ZFP1: variants seen among roughly 807,000 people sequenced by gnomAD.
The protein encoded by ZFP1 is ZFP1 zinc finger protein.
Under a neutral mutation model 38.5 loss-of-function variants are expected in ZFP1, and 32 were observed. That is an observed-to-expected ratio of 0.83 (90% confidence interval 0.63 to 1.12). The LOEUF is 1.12. ZFP1 is among the 50% of genes most tolerant of loss of function. The probability of loss-of-function intolerance (pLI) is 0.00; values close to 1 mark genes in which losing one functional copy is unlikely to be tolerated. For synonymous variants in ZFP1, 245 were observed against 168.8 expected (o/e 1.45, Z -3.50); for missense variants, 616 against 480.8 (o/e 1.28, Z -2.63).
At chr16:75,140,125 G>T in the ZFP1 span, among the ~76,000 whole-genome samples, 15 of 152,126 alleles carry the variant, frequency 9.9e-5, 1 homozygote, top group South Asian at 1.0e-3. Flanking sequence ...AAAACTAGCC[G>T]GGCGTGGTGG....
intron 2 of ZFP1, among the ~76,000 whole-genome samples, chr16:75,164,904 C>G (rs2037980942): frequency 6.6e-6 from 1 of 151,874 alleles, no homozygotes; most frequent in Non-Finnish European, 1.5e-5. Context: ...TTCCTGGGTT[C>G]AAGCGATTCT....
At chr16:75,136,900 C>T in the ZFP1 span, among the ~76,000 whole-genome samples, 2 of 151,878 alleles carry the variant, frequency 1.3e-5, no homozygotes, top group Non-Finnish European at 2.9e-5. Context: ...AAAAAAAGGA[C>T]CCTGTTTGTA....
the ZFP1 span, among the ~76,000 whole-genome samples, chr16:75,135,291 A>C: frequency 8.6e-4 from 88 of 102,730 alleles, no homozygotes; most frequent in African/African-American, 3.4e-3. Flanking sequence ...GTTAATCAGC[A>C]ATTCTAAAAA....
chr16:75,127,563 C>T, the ZFP1 span, among the ~76,000 whole-genome samples: 12 of 152,222 alleles, frequency 7.9e-5, 1 homozygote, highest in South Asian at 4.1e-4. Context: ...TCAAGAGATC[C>T]GCTGGCCTCA....
chr16:75,170,503 A>T lies in ZFP1; in HGVS notation c.*169A>T. 1 of 983,548 alleles carries T rather than the reference A, an allele frequency of 1.0e-6. No homozygotes were observed. Among genetic ancestry groups the T allele is most frequent in the Non-Finnish European group, 1.4e-6 (1 of 722,744 alleles). The allele number at this position is 983,548 out of a possible 1,614,324, so 60.9% of individuals were successfully genotyped here. On this transcript the variant is annotated 3_prime_UTR_variant, in exon 4 of 4. Coordinates refer to ENST00000570010, the MANE Select transcript of ZFP1 (RefSeq NM_153688.4). ...ATGAGAACATTATACTGGAAGTTAC[A>T]TGTGATACCCAGCTAAAGAATACAT...
At chr16:75,150,073 C>T (rs2145491553) in intron 1 of ZFP1, among the ~76,000 whole-genome samples, 1 of 152,122 alleles carries the variant, frequency 6.6e-6, no homozygotes, top group East Asian at 1.9e-4. Context: ...GCATGAACCA[C>T]TGCACCCAGC....
At chr16:75,157,068 C>G (rs540778432) in intron 2 of ZFP1, 1 of 152,110 alleles carries the variant, frequency 6.6e-6, no homozygotes, top group Non-Finnish European at 1.5e-5. Flanking sequence ...TTCACCATCT[C>G]CCACCGCTGT....
the ZFP1 span, among the ~76,000 whole-genome samples, chr16:75,122,895 G>A: frequency 7.9e-5 from 12 of 152,178 alleles, no homozygotes; most frequent in East Asian, 2.3e-3. Context: ...ATTTTGCAAT[G>A]GCAGTTCCAT....
At chr16:75,135,846 A>T in the ZFP1 span, among the ~76,000 whole-genome samples, 1 of 152,164 alleles carries the variant, frequency 6.6e-6, no homozygotes, top group Non-Finnish European at 1.5e-5. Flanking sequence ...ACGGAGTCTC[A>T]CTTTGTCACC....
chr16:75,147,182 T>G (rs1457840076), upstream of ZFP1, among the ~76,000 whole-genome samples: 2 of 152,168 alleles, frequency 1.3e-5, no homozygotes, highest in Non-Finnish European at 2.9e-5. Context: ...GAAACTATTC[T>G]GTACGATACT....
Position 75,170,249 on chromosome 16 carries a change from A to T in ZFP1, c.1139A>T (p.Tyr380Phe), listed in dbSNP as rs1457341176. ...HLRIHTGEKP[Y>F]ECSECGKAFS... ...CGAATCCACACAGGAGAGAAACCAT[A>T]TGAGTGTTCCGAATGTGGGAAGGCC... is the stretch of plus-strand genomic sequence containing the variant. Residue 380 changes from tyrosine to phenylalanine, a missense_variant, in exon 4 of 4, where the codon TAT becomes TTT. Tyr to Phe is a conservative substitution (Grantham distance 22). Transcript: ENST00000570010. 1 of 1,613,984 alleles carries T rather than the reference A, an allele frequency of 6.2e-7. No individual in the cohort carries two copies. The highest frequency in any genetic ancestry group is 1.3e-5 in the African/African-American group (1 of 74,930).
intron 2 of ZFP1, among the ~76,000 whole-genome samples, chr16:75,162,759 G>A (rs964397103): frequency 6.6e-6 from 1 of 152,068 alleles, no homozygotes; most frequent in Non-Finnish European, 1.5e-5. Context: ...GAGGATATGC[G>A]CTATTTGGAT....
the ZFP1 span, among the ~76,000 whole-genome samples, chr16:75,134,353 C>T: frequency 1.3e-5 from 2 of 152,088 alleles, no homozygotes; most frequent in Non-Finnish European, 1.5e-5. Flanking sequence ...AATTTGGCTT[C>T]TTTGTAATAT....
At chr16:75,147,568 T>G (rs2036968635), upstream of ZFP1, among the ~76,000 whole-genome samples, 1 of 151,966 alleles carries the variant, frequency 6.6e-6, no homozygotes, top group African/African-American at 2.4e-5. Flanking sequence ...ATTACAGGTG[T>G]GAGCCACTGA....
rs1260622140 is a variant in ZFP1 at position 75,169,908 on chromosome 16, G to A, written c.798G>A (p.Lys266=). ...IVHQRAHMEK[K]PYECSECGKT... is the part of the protein sequence containing the mutation. ...ACCAGAGAGCACATATGGAGAAGAA[G>A]CCCTATGAGTGCAGTGAATGTGGAA... The change falls in exon 4 of 4, where the codon AAG becomes AAA. Residue 266 remains lysine, a synonymous_variant. Transcript: ENST00000570010. 3 of 1,614,188 alleles carry A rather than the reference G, an allele frequency of 1.9e-6. No homozygotes were observed. The highest frequency in any genetic ancestry group is 2.2e-5 in the East Asian group (1 of 44,878).
intron 3 of ZFP1, 77 bp from the exon 4 acceptor site, chr16:75,169,176 G>A (rs369903286): frequency 1.7e-5 from 26 of 1,501,732 alleles, no homozygotes; most frequent in Non-Finnish European, 2.1e-5. Flanking sequence ...GATAGAACAC[G>A]TGTGAAGACT....
chr16:75,141,984 G>A, the ZFP1 span, among the ~76,000 whole-genome samples: 4 of 150,746 alleles, frequency 2.7e-5, no homozygotes, highest in African/African-American at 9.8e-5. Context: ...AACCCAGGAG[G>A]CAGACATTGC....
chr16:75,137,555 G>C, the ZFP1 span, among the ~76,000 whole-genome samples: 98 of 46,242 alleles, frequency 2.1e-3, no homozygotes, highest in African/African-American at 4.7e-3. Context: ...CCGCCTCCTG[G>C]GTTCACGCCA....
chr16:75,140,225 G>A, the ZFP1 span, among the ~76,000 whole-genome samples: 207 of 151,572 alleles, frequency 1.4e-3, no homozygotes, highest in African/African-American at 4.7e-3. Context: ...CTGAGATCAC[G>A]CCATTGCACT....
Sources: allele counts gnomAD v4.1 joint callset (sites outside exome capture counted in the v4.1 genomes callset), GRCh38; gene constraint gnomAD v4.1.1; transcripts MANE v1.5; gene names NCBI Gene and HGNC (gene_info 2026-07-23, HGNC 2026-07-21).